The following SHTN1 variants were observed in gnomAD, a reference collection of about 807,000 sequenced individuals.
SHTN1 encodes the protein shootin-1.
A neutral mutation model predicts 83.1 loss-of-function variants in SHTN1; 42 were observed. The ratio of observed to expected loss-of-function variants is 0.51; its 90% CI spans 0.39 to 0.65. The LOEUF is 0.65. SHTN1 is among the 30% of genes least tolerant of loss of function. The pLI is 0.00. For missense variants in SHTN1, 622 were observed against 737.8 expected, an observed-to-expected ratio of 0.84 and a Z score of 1.82; for synonymous variants, 224 against 247.7, an observed-to-expected ratio of 0.90 and a Z score of 0.90.
At chr10:116,929,824 A>ATAG in intron 10 of SHTN1, 25 bp downstream of exon 10, 3 of 1,555,510 alleles carry the variant, frequency 1.9e-6, no homozygotes, top group Non-Finnish European at 2.6e-6. Flanking sequence ...ATAGTAAGAC[A>ATAG]TAGTAGCCTA....
intron 16 of SHTN1, chr10:116,900,520 G>A: frequency 2.0e-6 from 3 of 1,523,038 alleles, no homozygotes; most frequent in Non-Finnish European, 2.6e-6. Context: ...AGGAGTTGCA[G>A]TATTTTCTGA....
intron 13 of SHTN1, among the ~76,000 whole-genome samples, chr10:116,914,270 G>A (rs1208226176): frequency 2.6e-5 from 4 of 152,142 alleles, no homozygotes; most frequent in East Asian, 1.9e-4. Context: ...TCAAGAGATC[G>A]AGACCATCCT....
intron 14 of SHTN1, among the ~76,000 whole-genome samples, chr10:116,910,064 C>T (rs1848129327): frequency 6.6e-6 from 1 of 152,114 alleles, no homozygotes; most frequent in South Asian, 2.1e-4. Flanking sequence ...ACTAAAGACC[C>T]AAATGTCTGG....
intron 7 of SHTN1, among the ~76,000 whole-genome samples, chr10:116,946,649 A>G (rs1384901730): frequency 9.8e-6 from 1 of 102,474 alleles, no homozygotes; most frequent in Non-Finnish European, 1.9e-5. Flanking sequence ...AAATATATAA[A>G]ATGATTTATA....
chr10:117,116,400 T>G (rs750233503), intron 1 of SHTN1, among the ~76,000 whole-genome samples: 1 of 151,846 alleles, frequency 6.6e-6, no homozygotes, highest in African/African-American at 2.4e-5. Context: ...CAGTAACAAG[T>G]AATGAGATGG....
chr10:117,123,318 C>T (rs1853957949), intron 1 of SHTN1, among the ~76,000 whole-genome samples: 1 of 152,152 alleles, frequency 6.6e-6, no homozygotes, highest in African/African-American at 2.4e-5. Context: ...TTCATTTTCC[C>T]GTTCTCTACC....
chr10:117,099,715 C>A (rs1853560764), intron 1 of SHTN1, among the ~76,000 whole-genome samples: 1 of 152,108 alleles, frequency 6.6e-6, no homozygotes, highest in South Asian at 2.1e-4. Flanking sequence ...CTAGGAGGCG[C>A]TCCATGAATA....
rs187397547 is a variant in SHTN1, at chr10:117,109,816, G to T, written c.-189+16491C>A. 2.9e-4 allele frequency among the ~76,000 whole-genome samples: 44 copies of T among 151,026 alleles called. No individual in the cohort carries two copies. The East Asian group carries it at 8.6e-3, about 29-fold the overall frequency. On this transcript the variant is annotated intron_variant, in intron 1 of 17. Coordinates refer to the SHTN1 transcript ENST00000392901. ...CTGACCTCAGGTGATCCACTGCCTC[G>T]GCCTCCCAAAGTTGTATTACATTTA... is the stretch of plus-strand genomic sequence containing the variant.
intron 9 of SHTN1, among the ~76,000 whole-genome samples, chr10:116,938,936 C>T (rs546731696): frequency 6.6e-6 from 1 of 152,298 alleles, no homozygotes; most frequent in East Asian, 1.9e-4. Context: ...CGGCCCAGTC[C>T]GAACTTCCTG....
intron 1 of SHTN1, among the ~76,000 whole-genome samples, chr10:116,996,708 G>A (rs989303624): frequency 1.7e-4 from 26 of 152,104 alleles, no homozygotes; most frequent in African/African-American, 6.0e-4. Flanking sequence ...ACATTAAAGA[G>A]ATCACCCATA....
At chr10:116,927,968 A>G in intron 10 of SHTN1, 77 bp from the exon 11 acceptor site, 1 of 1,507,446 alleles carries the variant, frequency 6.6e-7, no homozygotes, top group Non-Finnish European at 9.0e-7. Context: ...AAAAAAGAAC[A>G]TAACCTTTCT....
chr10:117,056,303 C>T (rs1248554018), intron 1 of SHTN1, among the ~76,000 whole-genome samples: 1 of 152,128 alleles, frequency 6.6e-6, no homozygotes, highest in Admixed American at 6.5e-5. Flanking sequence ...ATAGACATAA[C>T]AATCCTCAAC....
intron 2 of SHTN1, among the ~76,000 whole-genome samples, chr10:116,971,649 C>A (rs1564906692): frequency 6.6e-6 from 1 of 152,164 alleles, no homozygotes; most frequent in East Asian, 1.9e-4. Flanking sequence ...AACCTAGTTT[C>A]CGACTAGGCT....
chr10:117,102,076 A>T (rs1222801978), intron 1 of SHTN1, among the ~76,000 whole-genome samples: 2 of 152,066 alleles, frequency 1.3e-5, no homozygotes, highest in Non-Finnish European at 2.9e-5. Flanking sequence ...AAAAAAAAAA[A>T]AAAAATCACC....
At chr10:116,892,130 T>G (rs1847358438) in intron 16 of SHTN1, among the ~76,000 whole-genome samples, 2 of 152,202 alleles carry the variant, frequency 1.3e-5, no homozygotes, top group Non-Finnish European at 2.9e-5. Flanking sequence ...TTTCTTTAGC[T>G]GAGTGACTGC....
rs769962385 is a variant in SHTN1 at position 117,005,070 on chromosome 10, A to C, written c.10T>G (p.Ser4Ala). The C allele has an allele frequency of 3.1e-6, 5 of 1,598,060 alleles. No individual in the cohort carries two copies. In the East Asian group the frequency reaches 9.0e-5, roughly 29 times the overall value. ...AGCTGCAGCTGCTTCTCTTCGTCCG[A>C]GCTGTTCATTTTGGCGGGTGGGGCC... The part of the protein sequence containing the change: MNS[S>A]DEEKQLQLIT... The change falls in exon 1 of 17, where the codon TCG becomes GCG. Residue 4 changes from serine to alanine, a missense_variant. Physicochemically the swap from Ser to Ala is moderately conservative, Grantham distance 99. Transcript: ENST00000355371.
At chr10:117,001,359 A>G (rs1851816918) in intron 1 of SHTN1, among the ~76,000 whole-genome samples, 1 of 152,240 alleles carries the variant, frequency 6.6e-6, no homozygotes. Flanking sequence ...GGTGTGATTT[A>G]TAAGACATAG....
intron 16 of SHTN1, among the ~76,000 whole-genome samples, chr10:116,891,565 G>C (rs1847343702): frequency 6.6e-6 from 1 of 152,190 alleles, no homozygotes; most frequent in South Asian, 2.1e-4. Context: ...AAACTCCAAA[G>C]AGGAAGTTCC....
chr10:116,992,037 G>A (rs545307114), intron 1 of SHTN1, among the ~76,000 whole-genome samples: 2 of 152,206 alleles, frequency 1.3e-5, no homozygotes, highest in Admixed American at 6.5e-5. Flanking sequence ...AGCTACTCGG[G>A]AGGCTGAGGT....
Sources: allele counts gnomAD v4.1 joint callset (sites outside exome capture counted in the v4.1 genomes callset), GRCh38; gene constraint gnomAD v4.1.1; transcripts MANE v1.5; gene names NCBI Gene and HGNC (gene_info 2026-07-23, HGNC 2026-07-21).